The following PTN variants were observed in gnomAD, a reference collection of about 807,000 sequenced individuals.
The protein encoded by PTN is heparin affin regulatory protein.
A neutral mutation model predicts 24.1 loss-of-function variants in PTN; 18 were observed. The observed-to-expected ratio is 0.75, with a 90% CI of 0.52 to 1.11. PTN has a LOEUF of 1.11. PTN is among the 50% of genes least tolerant of loss of function. PTN has a pLI of 0.00. For missense variants in PTN, 163 were observed against 198.8 expected, an observed-to-expected ratio of 0.82 and a Z score of 1.08; for synonymous variants, 78 against 68.6, an observed-to-expected ratio of 1.14 and a Z score of -0.67.
intron 1 of PTN, among the ~76,000 whole-genome samples, chr7:137,283,952 ATTTTTTTTTTTTTTTTTTT>A (rs753374720): frequency 3.3e-4 from 16 of 48,922 alleles, no homozygotes; most frequent in African/African-American, 1.1e-3. Flanking sequence ...TGAGCATCAG[ATTTTTTTTTTTTTTTTTTT>A]TTTTTTTTTT....
intron 1 of PTN, among the ~76,000 whole-genome samples, chr7:137,323,836 T>C (rs141678579): frequency 6.6e-6 from 1 of 151,918 alleles, no homozygotes. Context: ...GTCTAACGAG[T>C]TCTTAGGTGA....
chr7:137,251,843 C>A (rs1808832940), intron 3 of PTN, among the ~76,000 whole-genome samples: 1 of 151,878 alleles, frequency 6.6e-6, no homozygotes. Flanking sequence ...GAAGATCCAT[C>A]CAAGTCATGT....
intron 1 of PTN, among the ~76,000 whole-genome samples, chr7:137,269,450 C>T (rs1479883484): frequency 6.6e-6 from 1 of 152,040 alleles, no homozygotes; most frequent in Admixed American, 6.6e-5. Flanking sequence ...TCTCATGTTG[C>T]TTCTCTCTAT....
chr7:137,266,889 T>G (rs949622226), intron 1 of PTN, among the ~76,000 whole-genome samples: 20 of 126,774 alleles, frequency 1.6e-4, no homozygotes, highest in South Asian at 1.5e-3. Flanking sequence ...TTTTTTTTTT[T>G]TCCTGTTAGC....
intron 1 of PTN, among the ~76,000 whole-genome samples, chr7:137,281,759 A>C (rs1224047863): frequency 6.6e-6 from 1 of 152,248 alleles, no homozygotes; most frequent in Non-Finnish European, 1.5e-5. Flanking sequence ...GCACTCCAGA[A>C]CAATTTAAAA....
In PTN at chr7:137,228,085, C is replaced by T. The variant is rs375266112; in HGVS notation, c.452-10G>A. 4 of 1,484,728 alleles carry T rather than the reference C, an allele frequency of 2.7e-6. No homozygotes were observed. The highest frequency in any genetic ancestry group is 1.9e-6 in the Non-Finnish European group (2 of 1,070,660). 92.0% of individuals were successfully genotyped at this position (1,484,728 alleles called of 1,614,324 possible). A position where few individuals can be genotyped will look rare whatever the true frequency, so the allele number is the denominator to read the frequency against. ...TTCTTCTTAGATTCTGCTGTGATTA[C>T]AAAAAAGAGAGACAGAAAGAGAGAA... On this transcript the variant is annotated splice_polypyrimidine_tract_variant and intron_variant, in intron 4 of 4. Coordinates refer to ENST00000348225, the MANE Select transcript of PTN (RefSeq NM_002825.7).
At chr7:137,313,888 A>T (rs1328250341) in intron 1 of PTN, among the ~76,000 whole-genome samples, 2 of 152,196 alleles carry the variant, frequency 1.3e-5, no homozygotes, top group South Asian at 2.1e-4. Flanking sequence ...TCAGAATTGG[A>T]TGTTCACCAT....
chr7:137,316,337 G>T (rs1314271031), intron 1 of PTN, among the ~76,000 whole-genome samples: 1 of 152,130 alleles, frequency 6.6e-6, no homozygotes, highest in Non-Finnish European at 1.5e-5. Flanking sequence ...TTGGAGCAAG[G>T]TGCAAATCCT....
chr7:137,273,202 AAATG>A (rs1274360724), intron 1 of PTN, among the ~76,000 whole-genome samples: 1 of 152,256 alleles, frequency 6.6e-6, no homozygotes, highest in Non-Finnish European at 1.5e-5. Context: ...TTTGTTAAAT[AAATG>A]AATAAAATAA....
intron 1 of PTN, among the ~76,000 whole-genome samples, chr7:137,273,808 C>T (rs1319235220): frequency 6.6e-6 from 1 of 152,086 alleles, no homozygotes; most frequent in Non-Finnish European, 1.5e-5. Context: ...GTTGCATGAA[C>T]ATGACTAAAA....
chr7:137,339,916 A>G (rs556290919), intron 1 of PTN, among the ~76,000 whole-genome samples: 1 of 152,350 alleles, frequency 6.6e-6, no homozygotes, highest in South Asian at 2.1e-4. Flanking sequence ...GCTAAGAGCA[A>G]TTCTTAGAAT....
chr7:137,234,688 G>T (rs1808488872), intron 4 of PTN, among the ~76,000 whole-genome samples: 1 of 152,010 alleles, frequency 6.6e-6, no homozygotes, highest in African/African-American at 2.4e-5. Flanking sequence ...AAGGGGACAT[G>T]TTTTTCAAGA....
At chr7:137,271,540 TTATAA>T (rs1232622216) in intron 1 of PTN, among the ~76,000 whole-genome samples, 1 of 152,356 alleles carries the variant, frequency 6.6e-6, no homozygotes, top group African/African-American at 2.4e-5. Context: ...GGTTTTCTCT[TTATAA>T]TATAACTGTG....
chr7:137,276,719 T>C (rs1411576173), intron 1 of PTN, among the ~76,000 whole-genome samples: 2 of 152,208 alleles, frequency 1.3e-5, no homozygotes, highest in African/African-American at 4.8e-5. Flanking sequence ...GTGCATGGTA[T>C]TGGTGAAGTC....
At chr7:137,248,236 T>A (rs920319817) in intron 4 of PTN, among the ~76,000 whole-genome samples, 13 of 152,180 alleles carry the variant, frequency 8.5e-5, no homozygotes, top group African/African-American at 3.1e-4. Flanking sequence ...AGAAAAATAG[T>A]ACAAAAATAA....
intron 1 of PTN, among the ~76,000 whole-genome samples, chr7:137,278,767 C>T (rs1809413534): frequency 6.6e-6 from 1 of 151,404 alleles, no homozygotes; most frequent in African/African-American, 2.4e-5. Flanking sequence ...TGGTGACACC[C>T]CATCTCTACT....
intron 1 of PTN, among the ~76,000 whole-genome samples, chr7:137,277,891 A>AT (rs1809388088): frequency 2.9e-3 from 1 of 342 alleles, no homozygotes; most frequent in Non-Finnish European, 5.4e-3. Context: ...ATGTAGATAG[A>AT]TAGATAGATG....
At chr7:137,275,850 A>G (rs571068411) in intron 1 of PTN, among the ~76,000 whole-genome samples, 105 of 152,318 alleles carry the variant, frequency 6.9e-4, no homozygotes, top group Middle Eastern at 6.8e-3. Context: ...ATTCTACCAC[A>G]TTTTGATACA....
intron 1 of PTN, among the ~76,000 whole-genome samples, chr7:137,331,482 C>T (rs979198877): frequency 6.6e-6 from 1 of 152,204 alleles, no homozygotes; most frequent in Non-Finnish European, 1.5e-5. Flanking sequence ...TCCTCCTCTG[C>T]GATCGGGAAT....
Sources: gnomAD v4.1 joint callset for allele counts (sites outside exome capture counted in the v4.1 genomes callset) on GRCh38, gnomAD v4.1.1 for gene constraint, MANE v1.5 for transcripts, NCBI Gene and HGNC (gene_info 2026-07-23, HGNC 2026-07-21) for gene names.